Variants in ZNF682 observed in about 807,000 individuals in gnomAD.
ZNF682 encodes the protein zinc finger protein 682.
A neutral mutation model predicts 36.5 loss-of-function variants in ZNF682; 29 were observed. The ratio of observed to expected loss-of-function variants is 0.80; its 90% CI spans 0.59 to 1.08. The LOEUF is 1.08. ZNF682 is among the 50% of genes least tolerant of loss of function. The pLI is 0.00. For synonymous variants in ZNF682, 180 were observed against 197.0 expected (o/e 0.91, Z 0.72); for missense variants, 561 against 579.7 (o/e 0.97, Z 0.33).
At chr19:20,036,108 T>C (rs2088526798) in intron 1 of ZNF682, among the ~76,000 whole-genome samples, 1 of 152,150 alleles carries the variant, frequency 6.6e-6, no homozygotes, top group Non-Finnish European at 1.5e-5. Flanking sequence ...CCAACTGTTC[T>C]TAAAATATAA....
intron 1 of ZNF682, chr19:20,039,125 G>C: frequency 1.4e-6 from 2 of 1,389,952 alleles, no homozygotes; most frequent in South Asian, 1.7e-5. Flanking sequence ...GGCGGGAAGC[G>C]GGAGAACGGA....
chr19:19,996,875 G>C (rs1351676522), downstream of ZNF682, among the ~76,000 whole-genome samples: 1 of 151,994 alleles, frequency 6.6e-6, no homozygotes, highest in Non-Finnish European at 1.5e-5. Context: ...GGGAAACTGA[G>C]GCCCCAAAAG....
At chr19:20,000,339 G>GT (rs1295903870), downstream of ZNF682, among the ~76,000 whole-genome samples, 1 of 152,190 alleles carries the variant, frequency 6.6e-6, no homozygotes, top group African/African-American at 2.4e-5. Context: ...ACATTTCTGA[G>GT]TTTTAGCCTT....
chr19:20,031,271 T>C (rs957739943), intron 1 of ZNF682, among the ~76,000 whole-genome samples: 4 of 152,242 alleles, frequency 2.6e-5, no homozygotes, highest in Admixed American at 6.5e-5. Flanking sequence ...GTGGTTGTTA[T>C]GGTCATGGCT....
chr19:20,035,388 G>A lies in ZNF682; in HGVS notation c.3+3955C>T, dbSNP rs926799271. 2.6e-5 allele frequency among the ~76,000 whole-genome samples: 4 copies of A among 151,672 alleles called. No individual in the cohort carries two copies. The East Asian group carries it at 7.9e-4, about 30-fold the overall frequency. ...TTACAGGCGCCCACCACCACGCCAA[G>A]CAAATTTTTGTATTTTTAGTAGACA... is the stretch of plus-strand genomic sequence containing the variant. On this transcript the variant is annotated intron_variant, in intron 1 of 3. Coordinates refer to ENST00000397165, the MANE Select transcript of ZNF682 (RefSeq NM_033196.3).
At chr19:20,038,383 G>C (rs1215866798) in intron 1 of ZNF682, among the ~76,000 whole-genome samples, 3 of 152,120 alleles carry the variant, frequency 2.0e-5, no homozygotes, top group Non-Finnish European at 4.4e-5. Context: ...ACTAATAGTT[G>C]ATAATGTTGT....
chr19:20,030,779 G>C (rs1228188195), intron 1 of ZNF682: 1 of 152,080 alleles, frequency 6.6e-6, no homozygotes, highest in African/African-American at 2.4e-5. Flanking sequence ...GATTATGATT[G>C]CCTCATCTGT....
intron 1 of ZNF682, among the ~76,000 whole-genome samples, chr19:20,030,545 C>T (rs376491220): frequency 2.0e-5 from 3 of 152,138 alleles, no homozygotes; most frequent in African/African-American, 7.2e-5. Context: ...GCATTGCAAC[C>T]TGGGCAACAG....
At chr19:20,033,519 A>C (rs2088498435) in intron 1 of ZNF682, 1 of 152,370 alleles carries the variant, frequency 6.6e-6, no homozygotes, top group Admixed American at 6.5e-5. Context: ...TTTCACAATA[A>C]TGGAAATGAA....
intron 3 of ZNF682, among the ~76,000 whole-genome samples, chr19:20,018,133 G>A (rs1015304791): frequency 1.8e-5 from 2 of 111,274 alleles, no homozygotes; most frequent in Admixed American, 1.3e-4. Context: ...TCGCTCTGTC[G>A]CCCAGGCTGG....
At chr19:20,001,758 C>A (rs182009416), downstream of ZNF682, among the ~76,000 whole-genome samples, 1 of 152,192 alleles carries the variant, frequency 6.6e-6, no homozygotes, top group African/African-American at 2.4e-5. Context: ...TCTGTGTTAA[C>A]AGAATCTTCT....
At chr19:20,039,043 A>G (rs575053469) in intron 1 of ZNF682, 3 of 965,906 alleles carry the variant, frequency 3.1e-6, no homozygotes, top group East Asian at 5.8e-5. Flanking sequence ...CTCTGCCCTG[A>G]GGACGCTTCC....
At position 20,024,282 on chromosome 19, in the gene ZNF682, A is replaced by T; in HGVS notation, c.98T>A (p.Met33Lys). 1 of 1,614,116 alleles carries T rather than the reference A, an allele frequency of 6.2e-7. No individual in the cohort carries two copies. The highest frequency in any genetic ancestry group is 8.5e-7 in the Non-Finnish European group (1 of 1,179,988). Residue 33 changes from methionine (M) to lysine (K), a missense_variant, in exon 2 of 4, where the codon ATG (methionine) becomes AAG (lysine). By Grantham distance (95) the Met-to-Lys change is moderately conservative (BLOSUM62 -1). Coordinates refer to ENST00000397165, the MANE Select transcript of ZNF682 (RefSeq NM_033196.3). ...GACCAGGTTTCTGTAGTTCTCTAGC[A>T]TCACTTTCCTATACAAACTCTGCTG... is the stretch of plus-strand genomic sequence containing the variant. ...PAQQSLYRKV[M>K]LENYRNLVSL...
In ZNF682 at chr19:20,006,069, TCTC is replaced by T. The variant is rs1568536713; in HGVS notation, c.1430_1432del (p.Gly477del). 6.2e-7 allele frequency: 1 copy of T among 1,611,662 alleles called. No individual in the cohort carries two copies. Among genetic ancestry groups the T allele is most frequent in the Non-Finnish European group, 8.5e-7 (1 of 1,178,428 alleles). On this transcript the variant is annotated inframe_deletion, in exon 4 of 4. Transcript: ENST00000397165. ...ACATTTTTTATACTTGCAGGATTTC[TCTC>T]CTCTTTGAACTCTCTTATGTTCATT...
At chr19:20,034,953 G>A (rs999187801) in intron 1 of ZNF682, among the ~76,000 whole-genome samples, 8 of 151,350 alleles carry the variant, frequency 5.3e-5, no homozygotes, top group South Asian at 2.1e-4. Context: ...AAAACCAGCC[G>A]GGCATGTTGG....
At chr19:20,031,724 C>T (rs376069629) in intron 1 of ZNF682, among the ~76,000 whole-genome samples, 3 of 152,096 alleles carry the variant, frequency 2.0e-5, no homozygotes, top group South Asian at 2.1e-4. Context: ...GGGCGGATCA[C>T]GAGGTCAGGA....
chr19:20,023,982 AAAAAT>A (rs886661348), intron 2 of ZNF682, among the ~76,000 whole-genome samples: 28 of 152,104 alleles, frequency 1.8e-4, no homozygotes, highest in Non-Finnish European at 3.2e-4. Context: ...CTCTGTCTCA[AAAAAT>A]AAAATAAAAT....
intron 1 of ZNF682, among the ~76,000 whole-genome samples, chr19:20,031,991 G>C (rs1368306757): frequency 6.6e-6 from 1 of 152,198 alleles, no homozygotes; most frequent in South Asian, 2.1e-4. Flanking sequence ...ATAGTGTCCT[G>C]TGTGGCATTA....
chr19:20,006,295 C>T lies in ZNF682; in HGVS notation c.1207G>A (p.Gly403Ser). The T allele has an allele frequency of 6.2e-7, 1 of 1,613,608 alleles. No homozygotes were observed. ...GEKPYKCEEC[G>S]KAFNWSSILT... is the part of the protein sequence containing the mutation. ...ATTGAGGACCAGTTAAAAGCTTTGC[C>T]ACATTCTTCACATTTGTAGGGTTTC... The change falls in exon 4 of 4, where the codon GGC (glycine) becomes AGC (serine). Residue 403 changes from glycine (G) to serine (S), a missense_variant. Gly to Ser is a moderately conservative substitution (Grantham distance 56, BLOSUM62 0). Transcript: ENST00000397165.
Sources: gnomAD v4.1 joint callset for allele counts (sites outside exome capture counted in the v4.1 genomes callset) on GRCh38, gnomAD v4.1.1 for gene constraint, MANE v1.5 for transcripts, NCBI Gene and HGNC (gene_info 2026-07-23, HGNC 2026-07-21) for gene names.